Variants in LRBA observed in about 807,000 individuals in gnomAD.
The protein encoded by LRBA is lipopolysaccharide-responsive and beige-like anchor protein.
Under a neutral mutation model 330.0 loss-of-function variants are expected in LRBA, and 176 were observed. The ratio of observed to expected loss-of-function variants is 0.53; its 90% CI spans 0.47 to 0.60. The LOEUF is 0.60. Ranked by LOEUF, LRBA falls within the 20% of genes least tolerant of loss-of-function variation. The pLI is 0.00. For synonymous variants in LRBA, 1,230 were observed against 1,193.0 expected, an observed-to-expected ratio of 1.03 and a Z score of -0.64; for missense variants, 3,259 against 3,444.8, an observed-to-expected ratio of 0.95 and a Z score of 1.35.
chr4:150,878,434 C>T (rs1269035316), intron 17 of LRBA, among the ~76,000 whole-genome samples: 1 of 151,700 alleles, frequency 6.6e-6, no homozygotes, highest in Non-Finnish European at 1.5e-5. Context: ...CCTAGAGGAA[C>T]TAGAAAAACA....
intron 34 of LRBA, among the ~76,000 whole-genome samples, chr4:150,790,762 C>T (rs537055306): frequency 5.3e-4 from 80 of 152,338 alleles, no homozygotes; most frequent in African/African-American, 1.8e-3. Flanking sequence ...TTAAGGTCAA[C>T]TGTTTTTACT....
At chr4:150,547,517 T>G (rs952368765) in intron 40 of LRBA, among the ~76,000 whole-genome samples, 1 of 152,172 alleles carries the variant, frequency 6.6e-6, no homozygotes, top group Non-Finnish European at 1.5e-5. Context: ...AAGTTAAGAT[T>G]ACTGACCATT....
chr4:150,812,663 T>G (rs905113621), intron 31 of LRBA, among the ~76,000 whole-genome samples: 9 of 152,170 alleles, frequency 5.9e-5, no homozygotes, highest in African/African-American at 1.9e-4. Context: ...ACTCAAATAT[T>G]TCCCTAATAT....
intron 34 of LRBA, among the ~76,000 whole-genome samples, chr4:150,787,978 T>G (rs987584521): frequency 1.3e-5 from 2 of 152,266 alleles, no homozygotes; most frequent in Non-Finnish European, 2.9e-5. Flanking sequence ...TGCTGGATCA[T>G]ATGGTAGCTG....
intron 4 of LRBA, among the ~76,000 whole-genome samples, chr4:150,922,157 G>A (rs537586061): frequency 1.3e-5 from 2 of 151,992 alleles, no homozygotes; most frequent in African/African-American, 4.8e-5. Context: ...CACCACACCT[G>A]GCCAAAAACG....
chr4:150,478,577 A>G (rs1756965111), intron 42 of LRBA, among the ~76,000 whole-genome samples: 1 of 152,170 alleles, frequency 6.6e-6, no homozygotes, highest in Non-Finnish European at 1.5e-5. Flanking sequence ...TATCATCCAG[A>G]TGTCTTCAAT....
rs546677696 is a variant in LRBA at position 150,764,899 on chromosome 4, C to G, written c.5581-3052G>C. Reference sequence around the variant, plus strand: ...ACTAAGCCTACTCTTACCACAAGATCCAGCAATTTCACTTTTTAGTGTTTA... The same window carrying G: ...ACTAAGCCTACTCTTACCACAAGATGCAGCAATTTCACTTTTTAGTGTTTA... On this transcript the variant is annotated intron_variant, in intron 34 of 56. Transcript: ENST00000651943. Among the ~76,000 whole-genome samples, 7 of 152,118 alleles carry G rather than the reference C, an allele frequency of 4.6e-5. No homozygotes were observed. The South Asian group carries it at 1.5e-3, about 32-fold the overall frequency.
At chr4:150,435,285 A>C (rs908008833) in intron 46 of LRBA, among the ~76,000 whole-genome samples, 4 of 152,148 alleles carry the variant, frequency 2.6e-5, no homozygotes, top group African/African-American at 9.7e-5. Flanking sequence ...CTAGAGGTGG[A>C]GGTGGCAGTG....
chr4:150,489,321 A>ATATATTACATATAAGAATATAT (rs1561250792), intron 41 of LRBA, among the ~76,000 whole-genome samples: 3 of 20,450 alleles, frequency 1.5e-4, no homozygotes, highest in African/African-American at 2.9e-4. Context: ...AGAATATATA[A>ATATATTACATATAAGAATATAT]AATATATTAC....
At chr4:150,954,336 G>A (rs1418234881) in intron 2 of LRBA, among the ~76,000 whole-genome samples, 1 of 152,224 alleles carries the variant, frequency 6.6e-6, no homozygotes, top group Non-Finnish European at 1.5e-5. Context: ...AGGGGGAAAT[G>A]TGGGGAAAAG....
chr4:150,278,042 T>C (rs773030750), intron 55 of LRBA, 38 bp from the exon 56 acceptor site: 1 of 1,598,946 alleles, frequency 6.3e-7, no homozygotes, highest in African/African-American at 1.3e-5. Context: ...AATGTGGTTC[T>C]AGGAAACTTT....
chr4:150,780,820 G>C (rs943381694), intron 34 of LRBA, among the ~76,000 whole-genome samples: 5 of 151,638 alleles, frequency 3.3e-5, no homozygotes, highest in South Asian at 2.1e-4. Flanking sequence ...GGGGGTGAGG[G>C]GGGGGAATGG....
chr4:150,355,620 A>AG (rs1246755393), intron 47 of LRBA, among the ~76,000 whole-genome samples: 3 of 152,098 alleles, frequency 2.0e-5, no homozygotes, highest in African/African-American at 7.2e-5. Context: ...AGAAGGCCCA[A>AG]GGTACAAAGG....
chr4:150,867,902 A>C lies in LRBA; in HGVS notation c.2574-39T>G, dbSNP rs944600471. On this transcript the variant is annotated intron_variant, in intron 21 of 56. Coordinates refer to ENST00000651943, the MANE Select transcript of LRBA (RefSeq NM_001364905.1). Reference sequence around the variant, plus strand: ...GAGGGTACTAAATTACTGAAGAAAAAAAAATTATCTAAAATAAATCTAAAG... The same window carrying C: ...GAGGGTACTAAATTACTGAAGAAAACAAAATTATCTAAAATAAATCTAAAG... The C allele has an allele frequency of 1.9e-5, 28 of 1,483,022 alleles. No homozygotes were observed. In the East Asian group the frequency reaches 6.4e-4, roughly 34 times the overall value. The allele number at this position is 1,483,022 out of a possible 1,614,324, so 91.9% of individuals were successfully genotyped here.
chr4:150,462,518 T>G (rs190348134), intron 44 of LRBA, among the ~76,000 whole-genome samples: 3 of 151,822 alleles, frequency 2.0e-5, no homozygotes, highest in Non-Finnish European at 4.4e-5. Flanking sequence ...TTTTTTTTCT[T>G]AAAAGAAGAT....
intron 17 of LRBA, among the ~76,000 whole-genome samples, chr4:150,882,397 G>T (rs555393242): frequency 6.6e-6 from 1 of 152,104 alleles, no homozygotes; most frequent in Non-Finnish European, 1.5e-5. Context: ...ACATTAAAGG[G>T]AGGAAAAATC....
chr4:150,851,760 T>C (rs1750645348), intron 23 of LRBA, 125 bp downstream of exon 23: 2 of 944,978 alleles, frequency 2.1e-6, no homozygotes, highest in African/African-American at 1.6e-5. Flanking sequence ...TTCACATTCA[T>C]TGCATTTATT....
At chr4:150,312,978 TAATTA>T (rs1731255864) in intron 51 of LRBA, among the ~76,000 whole-genome samples, 1 of 151,820 alleles carries the variant, frequency 6.6e-6, no homozygotes, top group Admixed American at 6.6e-5. Flanking sequence ...CTTTATAATA[TAATTA>T]AATAAATACA....
rs780279643 is a variant in LRBA at position 150,487,841 on chromosome 4, C to G, written c.6449-7G>C. 2.0e-6 allele frequency: 3 copies of G among 1,512,870 alleles called. No individual in the cohort carries two copies. The highest frequency in any genetic ancestry group is 1.7e-5 in the Admixed American group (1 of 58,646). The allele number at this position is 1,512,870 out of a possible 1,614,324, so 93.7% of individuals were successfully genotyped here. A position where few individuals can be genotyped will look rare whatever the true frequency, so the allele number is the denominator to read the frequency against. Reference sequence around the variant, plus strand: ...AAGTTGAACATCACAGCAACTACAACAGATGATTTTTAAAAATTAGAACAC... The same window carrying G: ...AAGTTGAACATCACAGCAACTACAAGAGATGATTTTTAAAAATTAGAACAC... On this transcript the variant is annotated splice_region_variant and splice_polypyrimidine_tract_variant and intron_variant, in intron 41 of 56. Coordinates refer to ENST00000651943, the MANE Select transcript of LRBA (RefSeq NM_001364905.1).
Sources: gnomAD v4.1 joint callset for allele counts (sites outside exome capture counted in the v4.1 genomes callset) on GRCh38, gnomAD v4.1.1 for gene constraint, MANE v1.5 for transcripts, NCBI Gene and HGNC (gene_info 2026-07-23, HGNC 2026-07-21) for gene names.